Variants in TESC observed in about 807,000 individuals in gnomAD.
TESC encodes tescalcin, also known as calcineurin B homologous protein 3.
TESC carries 19 observed loss-of-function variants against 31.0 expected under a neutral mutation model. The ratio of observed to expected loss-of-function variants is 0.61; its 90% confidence interval spans 0.43 to 0.90. TESC has a LOEUF of 0.90. Among genes scored for constraint, TESC ranks in the 40% least tolerant of loss-of-function variants. The pLI is 0.00. For missense variants in TESC, 248 were observed against 303.8 expected, an observed-to-expected ratio of 0.82 and a Z score of 1.36; for synonymous variants, 109 against 114.8, an observed-to-expected ratio of 0.95 and a Z score of 0.32.
chr12:117,072,592 G>C (rs1250602952), intron 2 of TESC, among the ~76,000 whole-genome samples: 1 of 152,222 alleles, frequency 6.6e-6, no homozygotes, highest in East Asian at 1.9e-4. Context: ...ACCACCCAAA[G>C]TTGGATGGAT....
chr12:117,090,090 A>G (rs1417057712), intron 1 of TESC, among the ~76,000 whole-genome samples: 1 of 152,232 alleles, frequency 6.6e-6, no homozygotes, highest in Non-Finnish European at 1.5e-5. Flanking sequence ...ACACAGCCAA[A>G]TGTTCATTCA....
At chr12:117,057,543 G>C (rs1954742208) in intron 2 of TESC, among the ~76,000 whole-genome samples, 1 of 152,172 alleles carries the variant, frequency 6.6e-6, no homozygotes, top group Admixed American at 6.5e-5. Flanking sequence ...TAGAGCAGTG[G>C]GGTGCTGGCT....
intron 7 of TESC, among the ~76,000 whole-genome samples, chr12:117,041,246 C>T (rs187459176): frequency 1.4e-3 from 206 of 152,294 alleles, no homozygotes; most frequent in Non-Finnish European, 2.6e-3. Flanking sequence ...CCGGGCGCAA[C>T]GTGTGCAGTC....
intron 4 of TESC, among the ~76,000 whole-genome samples, chr12:117,048,088 T>C (rs1321601047): frequency 6.6e-6 from 1 of 152,116 alleles, no homozygotes; most frequent in East Asian, 1.9e-4. Context: ...TGCAAAGCGC[T>C]TCACAAACCT....
intron 2 of TESC, among the ~76,000 whole-genome samples, chr12:117,071,082 TG>T (rs1249868374): frequency 6.6e-6 from 1 of 152,242 alleles, no homozygotes; most frequent in Non-Finnish European, 1.5e-5. Context: ...AGACCCCTGC[TG>T]AATTCTTTCA....
At chr12:117,070,532 C>G (rs7954608) in intron 2 of TESC, among the ~76,000 whole-genome samples, 74,043 of 151,796 alleles carry the variant, frequency 0.49, 18,879 homozygotes, top group Non-Finnish European at 0.55. Flanking sequence ...ACCTCCCCCA[C>G]CCCCAGTAGC....
chr12:117,061,286 TGAGCGAATAATG>T (rs1382840640), intron 2 of TESC, among the ~76,000 whole-genome samples: 1 of 152,138 alleles, frequency 6.6e-6, no homozygotes, highest in Non-Finnish European at 1.5e-5. Context: ...AATGGTTTGC[TGAGCGAATAATG>T]AAGCGAATAA....
intron 7 of TESC, among the ~76,000 whole-genome samples, chr12:117,040,781 C>G (rs183420375): frequency 2.1e-3 from 315 of 152,314 alleles, no homozygotes; most frequent in African/African-American, 7.3e-3. Context: ...TGCTGCCTGC[C>G]TCTCCTCTCT....
At chr12:117,062,725 T>C (rs1410357075) in intron 2 of TESC, among the ~76,000 whole-genome samples, 1 of 152,212 alleles carries the variant, frequency 6.6e-6, no homozygotes, top group Non-Finnish European at 1.5e-5. Flanking sequence ...AACCTTTTCA[T>C]TTCATCAGTT....
At chr12:117,072,438 G>C (rs1334412767) in intron 2 of TESC, among the ~76,000 whole-genome samples, 1 of 152,160 alleles carries the variant, frequency 6.6e-6, no homozygotes, top group Non-Finnish European at 1.5e-5. Flanking sequence ...TCACTTTCCA[G>C]ATGAGGAGAC....
At chr12:117,091,212 G>T (rs1244459428) in intron 1 of TESC, among the ~76,000 whole-genome samples, 4 of 152,194 alleles carry the variant, frequency 2.6e-5, no homozygotes, top group African/African-American at 9.7e-5. Flanking sequence ...GACCAGGGGT[G>T]CCCAGGCCCT....
intron 2 of TESC, among the ~76,000 whole-genome samples, chr12:117,064,834 C>G (rs1435848464): frequency 6.6e-6 from 1 of 152,218 alleles, no homozygotes; most frequent in Non-Finnish European, 1.5e-5. Context: ...AGGGTGCTAC[C>G]AGCATCTAGT....
At chr12:117,057,008 T>G (rs1954736014) in intron 2 of TESC, 122 bp from the exon 3 acceptor site, 1 of 912,108 alleles carries the variant, frequency 1.1e-6, no homozygotes, top group East Asian at 2.5e-5. Context: ...CAAGAATAGT[T>G]CAGAGTTAGG....
At chr12:117,083,210 C>T (rs1193624638) in intron 1 of TESC, among the ~76,000 whole-genome samples, 1 of 152,160 alleles carries the variant, frequency 6.6e-6, no homozygotes, top group East Asian at 1.9e-4. Flanking sequence ...CTCAGCCTCC[C>T]CGCACTGGGT....
intron 1 of TESC, among the ~76,000 whole-genome samples, chr12:117,076,620 G>A (rs977072356): frequency 6.6e-6 from 1 of 152,030 alleles, no homozygotes. Flanking sequence ...ATTTTTATAC[G>A]TTTAGCAGAG....
intron 4 of TESC, among the ~76,000 whole-genome samples, chr12:117,047,581 T>C (rs1336667347): frequency 6.6e-6 from 1 of 152,050 alleles, no homozygotes; most frequent in Non-Finnish European, 1.5e-5. Flanking sequence ...CACGCCGCCA[T>C]GCCCAAGTAA....
At chr12:117,082,162 T>C (rs914290927) in intron 1 of TESC, among the ~76,000 whole-genome samples, 1 of 150,200 alleles carries the variant, frequency 6.7e-6, no homozygotes, top group East Asian at 2.0e-4. Context: ...TGAGCCAAGA[T>C]TGCACTCCAG....
At chr12:117,067,045 C>T (rs1954896049) in intron 2 of TESC, among the ~76,000 whole-genome samples, 1 of 152,214 alleles carries the variant, frequency 6.6e-6, no homozygotes, top group South Asian at 2.1e-4. Flanking sequence ...ACACTCTCAC[C>T]TAAGCAGATG....
At chr12:117,046,390 C>T (rs1592992493) in intron 6 of TESC, 169 bp downstream of exon 6, 2 of 659,152 alleles carry the variant, frequency 3.0e-6, no homozygotes, top group East Asian at 2.8e-5. Flanking sequence ...CTTGGACCTT[C>T]AGTCTCCTGG....
Sources: allele counts gnomAD v4.1 joint callset (sites outside exome capture counted in the v4.1 genomes callset), GRCh38; gene constraint gnomAD v4.1.1; transcripts MANE v1.5; gene names NCBI Gene and HGNC (gene_info 2026-07-23, HGNC 2026-07-21).